The following BLNK variants were observed in gnomAD, a reference collection of about 807,000 sequenced individuals.
BLNK encodes the protein B-cell linker protein.
Under a neutral mutation model 73.5 loss-of-function variants are expected in BLNK, and 29 were observed. The observed-to-expected ratio is 0.39, with a 90% confidence interval of 0.29 to 0.54. The LOEUF is 0.54. BLNK is among the 20% of genes least tolerant of loss of function. The probability of loss-of-function intolerance (pLI) is 0.61; values close to 1 mark genes in which losing one functional copy is unlikely to be tolerated. For missense variants in BLNK, 460 were observed against 562.8 expected (o/e 0.82, Z 1.85); for synonymous variants, 176 against 200.8 (o/e 0.88, Z 1.04).
At chr10:96,192,759 TA>T in intron 16 of BLNK, among the ~76,000 whole-genome samples, 1 of 152,238 alleles carries the variant, frequency 6.6e-6, no homozygotes, top group African/African-American at 2.4e-5. Flanking sequence ...TTCTGAAAAA[TA>T]ATTAAAGTTT....
chr10:96,219,321 GT>G (rs1554900601), intron 6 of BLNK, among the ~76,000 whole-genome samples: 1 of 152,202 alleles, frequency 6.6e-6, no homozygotes, highest in Non-Finnish European at 1.5e-5. Context: ...GACCTTTTTG[GT>G]TCTATGGGTT....
chr10:96,202,337 G>A (rs1468816326), intron 13 of BLNK, among the ~76,000 whole-genome samples: 1 of 152,144 alleles, frequency 6.6e-6, no homozygotes, highest in African/African-American at 2.4e-5. Context: ...AGGCCAGTTC[G>A]GTGTTCTTGC....
chr10:96,239,864 T>C (rs1189962724), intron 3 of BLNK, among the ~76,000 whole-genome samples: 3 of 151,938 alleles, frequency 2.0e-5, no homozygotes, highest in Non-Finnish European at 4.4e-5. Context: ...GAGGGGACAA[T>C]CAGGAGGGAG....
At chr10:96,222,747 T>C (rs1378708072) in intron 6 of BLNK, among the ~76,000 whole-genome samples, 1 of 152,060 alleles carries the variant, frequency 6.6e-6, no homozygotes, top group Non-Finnish European at 1.5e-5. Context: ...CCATTGTACA[T>C]CCTGGCCCAT....
intron 3 of BLNK, among the ~76,000 whole-genome samples, chr10:96,234,741 CACT>C (rs1327947279): frequency 6.6e-6 from 1 of 152,180 alleles, no homozygotes; most frequent in Non-Finnish European, 1.5e-5. Context: ...CTCAAAACAC[CACT>C]GATTCTAATT....
At chr10:96,227,999 T>C (rs1259752164) in intron 4 of BLNK, among the ~76,000 whole-genome samples, 3 of 152,062 alleles carry the variant, frequency 2.0e-5, no homozygotes, top group Non-Finnish European at 4.4e-5. Flanking sequence ...GCCAGCTAGA[T>C]ATCTTTCAGA....
intron 6 of BLNK, 21 bp from the exon 7 acceptor site, chr10:96,216,755 A>C (rs2084076112): frequency 6.3e-7 from 1 of 1,595,688 alleles, no homozygotes; most frequent in Admixed American, 1.7e-5. Context: ...TACAAAACTG[A>C]ATGAGAAGAA....
chr10:96,193,021 A>G (rs1350533815), intron 16 of BLNK, among the ~76,000 whole-genome samples: 1 of 152,220 alleles, frequency 6.6e-6, no homozygotes, highest in Non-Finnish European at 1.5e-5. Flanking sequence ...ACTTCCAAGT[A>G]GCTACATATT....
At chr10:96,228,400 A>G (rs1003706447) in intron 4 of BLNK, among the ~76,000 whole-genome samples, 1 of 152,062 alleles carries the variant, frequency 6.6e-6, no homozygotes, top group South Asian at 2.1e-4. Context: ...TGGGATTACA[A>G]ATTGCACCAC....
Position 96,271,566 on chromosome 10 carries a change from A to G in BLNK, c.-168T>C. On this transcript the variant is annotated 5_prime_UTR_variant, in exon 1 of 17. Coordinates refer to ENST00000224337, the MANE Select transcript of BLNK (RefSeq NM_013314.4). Reference sequence around the variant, plus strand: ...TGGCAAACACCCCTGCTCTAGGGAGAAGTAAAACTTGCCCGAGCACATAGT... The same window carrying G: ...TGGCAAACACCCCTGCTCTAGGGAGGAGTAAAACTTGCCCGAGCACATAGT... 1.4e-6 allele frequency: 1 copy of G among 691,066 alleles called. No homozygotes were observed. The highest frequency in any genetic ancestry group is 2.6e-6 in the Non-Finnish European group (1 of 385,460). 42.8% of individuals were successfully genotyped at this position (691,066 alleles called of 1,614,324 possible).
At chr10:96,250,375 C>A (rs964748024) in intron 1 of BLNK, among the ~76,000 whole-genome samples, 4 of 148,330 alleles carry the variant, frequency 2.7e-5, no homozygotes, top group African/African-American at 5.0e-5. Flanking sequence ...AGGGGTCTGG[C>A]AGTGGGGAGA....
intron 4 of BLNK, among the ~76,000 whole-genome samples, chr10:96,230,194 T>C (rs1372371668): frequency 5.3e-5 from 8 of 152,192 alleles, no homozygotes; most frequent in East Asian, 1.9e-4. Context: ...ACATCCCCAG[T>C]GTCATCATGG....
At chr10:96,230,160 C>T (rs1356011321) in intron 4 of BLNK, among the ~76,000 whole-genome samples, 1 of 152,190 alleles carries the variant, frequency 6.6e-6, no homozygotes, top group Non-Finnish European at 1.5e-5. Context: ...TTCAGAGCTA[C>T]CTCAAAGAGA....
intron 1 of BLNK, among the ~76,000 whole-genome samples, chr10:96,261,097 G>A (rs1412920364): frequency 6.6e-6 from 1 of 151,966 alleles, no homozygotes; most frequent in Non-Finnish European, 1.5e-5. Flanking sequence ...TGTCCACGTC[G>A]GCCTCCCAAA....
At chr10:96,227,981 C>T (rs1842340910) in intron 4 of BLNK, among the ~76,000 whole-genome samples, 1 of 152,060 alleles carries the variant, frequency 6.6e-6, no homozygotes, top group African/African-American at 2.4e-5. Flanking sequence ...GGTGAGGAGA[C>T]ACACAGGGCC....
Position 96,190,317 on chromosome 10 carries a change from T to A in BLNK, c.*1656A>T. 1.7e-6 allele frequency: 1 copy of A among 596,914 alleles called. No individual in the cohort carries two copies. Among genetic ancestry groups the A allele is most frequent in the East Asian group, 3.1e-5 (1 of 31,794 alleles). 37.0% of individuals were successfully genotyped at this position (596,914 alleles called of 1,614,324 possible). A position where few individuals can be genotyped will look rare whatever the true frequency, so the allele number is the denominator to read the frequency against. On this transcript the variant is annotated 3_prime_UTR_variant, in exon 17 of 17. Coordinates refer to ENST00000224337, the MANE Select transcript of BLNK (RefSeq NM_013314.4). ...ATACAGGATGGAATCACGCCAGTAG[T>A]ATTGTTCCTGTGTGTCTCTTCATAT...
chr10:96,231,846 C>T (rs587728820), intron 3 of BLNK, among the ~76,000 whole-genome samples: 1 of 152,298 alleles, frequency 6.6e-6, no homozygotes, highest in South Asian at 2.1e-4. Flanking sequence ...GAGTTGAACC[C>T]TACAGGTTGC....
chr10:96,210,777 G>A (rs181993367), intron 8 of BLNK, among the ~76,000 whole-genome samples: 20 of 151,780 alleles, frequency 1.3e-4, no homozygotes, highest in Middle Eastern at 3.4e-3. Flanking sequence ...AGACCAAGGG[G>A]TCTCTTCATG....
At chr10:96,214,203 A>G (rs587690110) in intron 8 of BLNK, among the ~76,000 whole-genome samples, 79 of 152,134 alleles carry the variant, frequency 5.2e-4, no homozygotes, top group African/African-American at 1.7e-3. Flanking sequence ...GGAGAGAGGG[A>G]GAGGAAATGC....
Sources: gnomAD v4.1 joint callset for allele counts (sites outside exome capture counted in the v4.1 genomes callset) on GRCh38, gnomAD v4.1.1 for gene constraint, MANE v1.5 for transcripts, NCBI Gene and HGNC (gene_info 2026-07-23, HGNC 2026-07-21) for gene names.